The following BAZ1A variants were observed in gnomAD, a reference collection of about 807,000 sequenced individuals.
BAZ1A encodes the protein bromodomain adjacent to zinc finger domain 1A, also known as bromodomain adjacent to zinc finger domain protein 1A.
BAZ1A carries 50 observed loss-of-function variants against 185.2 expected under a neutral mutation model. That is an observed-to-expected ratio of 0.27 (90% CI 0.22 to 0.34). The LOEUF is 0.34. Among genes scored for constraint, BAZ1A ranks in the 10% least tolerant of loss-of-function variants. The pLI is 1.00. For missense variants in BAZ1A, 1,356 were observed against 1,839.9 expected (o/e 0.74, Z 4.81); for synonymous variants, 571 against 615.6 (o/e 0.93, Z 1.07).
rs769944421 is a variant in BAZ1A at position 34,875,225 on chromosome 14, T to A, written c.-146A>T. On this transcript the variant is annotated 5_prime_UTR_variant, in exon 1 of 27. Coordinates refer to ENST00000360310, the MANE Select transcript of BAZ1A (RefSeq NM_013448.3). ...CCGTCCTCCCAGGGGACCGCCTCTCTCCGGCCCCGCCGCGCCCCTGGCTGC... is the reference window on the plus strand; with the variant it reads ...CCGTCCTCCCAGGGGACCGCCTCTCACCGGCCCCGCCGCGCCCCTGGCTGC... 4 of 449,750 alleles carry A rather than the reference T, an allele frequency of 8.9e-6. No individual in the cohort carries two copies. The highest frequency in any genetic ancestry group is 6.2e-5 in the South Asian group (4 of 64,194). The allele number at this position is 449,750 out of a possible 1,614,324, so 27.9% of individuals were successfully genotyped here.
intron 2 of BAZ1A, among the ~76,000 whole-genome samples, chr14:34,863,528 G>A (rs1261283941): frequency 3.3e-5 from 5 of 151,436 alleles, no homozygotes; most frequent in Non-Finnish European, 5.9e-5. Context: ...GGCTGGTCTC[G>A]AACTCTTGAC....
chr14:34,801,747 A>G (rs1002322286), intron 7 of BAZ1A, among the ~76,000 whole-genome samples: 10 of 152,118 alleles, frequency 6.6e-5, no homozygotes, highest in Non-Finnish European at 1.5e-4. Flanking sequence ...CATCTCTATT[A>G]AAAATGCAAA....
chr14:34,858,556 C>T (rs780841983), intron 3 of BAZ1A, among the ~76,000 whole-genome samples: 26 of 152,214 alleles, frequency 1.7e-4, no homozygotes, highest in South Asian at 4.1e-4. Flanking sequence ...CTCAGGTGAT[C>T]CACCTGCCTT....
intron 6 of BAZ1A, among the ~76,000 whole-genome samples, chr14:34,804,131 C>T (rs527285277): frequency 6.8e-4 from 103 of 152,224 alleles, no homozygotes; most frequent in Non-Finnish European, 9.6e-4. Context: ...CCTCAGTCTC[C>T]GGAGTAGCTG....
chr14:34,808,361 A>G (rs1221234654), intron 5 of BAZ1A, among the ~76,000 whole-genome samples: 2 of 151,458 alleles, frequency 1.3e-5, no homozygotes, highest in African/African-American at 2.4e-5. Flanking sequence ...GCTGGGCGGT[A>G]GTGGCACATG....
chr14:34,760,734 C>G (rs972944455), intron 24 of BAZ1A, among the ~76,000 whole-genome samples: 1 of 151,828 alleles, frequency 6.6e-6, no homozygotes, highest in African/African-American at 2.4e-5. Flanking sequence ...TTCCTGTAGT[C>G]GCAGCTGCTT....
intron 2 of BAZ1A, among the ~76,000 whole-genome samples, chr14:34,866,075 C>G (rs1050941676): frequency 6.6e-6 from 1 of 152,138 alleles, no homozygotes; most frequent in Non-Finnish European, 1.5e-5. Context: ...ATAGTCCTTG[C>G]TACTCAGGAG....
At chr14:34,762,517 C>A (rs1032838790) in intron 23 of BAZ1A, among the ~76,000 whole-genome samples, 16 of 151,262 alleles carry the variant, frequency 1.1e-4, no homozygotes, top group African/African-American at 3.9e-4. Flanking sequence ...ATCACTGTCA[C>A]CCAGGCTGGA....
At chr14:34,776,606 G>A (rs1051763196) in intron 17 of BAZ1A, 91 bp from the exon 18 acceptor site, 2 of 1,057,864 alleles carry the variant, frequency 1.9e-6, no homozygotes, top group East Asian at 2.5e-5. Flanking sequence ...GTTATTAGGT[G>A]TTATGAACTA....
chr14:34,784,808 G>A (rs1880325739), intron 14 of BAZ1A, among the ~76,000 whole-genome samples: 3 of 151,368 alleles, frequency 2.0e-5, no homozygotes, highest in Non-Finnish European at 2.9e-5. Context: ...GTGAGCCACC[G>A]CGCCTGGCCA....
chr14:34,827,733 T>C (rs1208341603), intron 3 of BAZ1A, among the ~76,000 whole-genome samples: 1 of 89,028 alleles, frequency 1.1e-5, no homozygotes, highest in Non-Finnish European at 2.5e-5. Flanking sequence ...AGACTCTGTC[T>C]CAAAAAAAAA....
intron 12 of BAZ1A, chr14:34,786,444 AAAGAC>A: frequency 2.3e-6 from 1 of 439,756 alleles, no homozygotes; most frequent in Non-Finnish European, 4.0e-6. Context: ...AATTAACAGA[AAAGAC>A]AATTTCCAAA....
intron 3 of BAZ1A, among the ~76,000 whole-genome samples, chr14:34,855,339 C>A (rs1419853305): frequency 6.6e-6 from 1 of 152,156 alleles, no homozygotes; most frequent in Non-Finnish European, 1.5e-5. Context: ...TGCAACCAAT[C>A]TGGCTATTTC....
chr14:34,775,490 G>A (rs1026054524), intron 18 of BAZ1A, among the ~76,000 whole-genome samples: 7 of 152,110 alleles, frequency 4.6e-5, no homozygotes, highest in African/African-American at 1.7e-4. Flanking sequence ...GCTGCTATCC[G>A]ACCTGCCCTT....
intron 3 of BAZ1A, among the ~76,000 whole-genome samples, chr14:34,836,007 T>C (rs1238706880): frequency 6.6e-6 from 1 of 152,006 alleles, no homozygotes; most frequent in Non-Finnish European, 1.5e-5. Context: ...GGAATGTATA[T>C]ACCTTCCGCT....
chr14:34,866,502 A>AAAAAAAAAAAAAAAAAAAAGAAAG lies in BAZ1A; in HGVS notation c.114-4181_114-4180insCTTTCTTTTTTTTTTTTTTTTTTT. Reference sequence around the variant, plus strand: ...AACAATATCTCAAAAAAAAAAAAAAAGAAAAAAGTTCTAACTTTTTCCTAT... The same window carrying AAAAAAAAAAAAAAAAAAAAGAAAG: ...AACAATATCTCAAAAAAAAAAAAAAAAAAAAAAAAAAAAAAAAAAGAAAGGAAAAAAGTTCTAACTTTTTCCTAT... On this transcript the variant is annotated intron_variant, in intron 2 of 26. Transcript: ENST00000360310. Among the ~76,000 whole-genome samples, 433 of 79,406 alleles carry AAAAAAAAAAAAAAAAAAAAGAAAG rather than the reference A, an allele frequency of 5.5e-3. 30 individuals are homozygous for AAAAAAAAAAAAAAAAAAAAGAAAG. Among genetic ancestry groups the AAAAAAAAAAAAAAAAAAAAGAAAG allele is most frequent in the Non-Finnish European group, 8.3e-3 (294 of 35,220 alleles). The allele number at this position is 79,406 out of a possible 152,430, so 52.1% of individuals were successfully genotyped here.
chr14:34,789,483 T>C (rs1032977397), intron 12 of BAZ1A, among the ~76,000 whole-genome samples: 1 of 152,246 alleles, frequency 6.6e-6, no homozygotes, highest in African/African-American at 2.4e-5. Flanking sequence ...GAGAATATAG[T>C]TGAATTATAT....
At chr14:34,873,274 C>G (rs1021415183) in intron 2 of BAZ1A, among the ~76,000 whole-genome samples, 2 of 152,120 alleles carry the variant, frequency 1.3e-5, no homozygotes, top group African/African-American at 4.8e-5. Context: ...TACTTGGTTG[C>G]TATTACACTT....
chr14:34,861,788 T>C (rs1015038188), intron 3 of BAZ1A, among the ~76,000 whole-genome samples: 7 of 152,290 alleles, frequency 4.6e-5, no homozygotes, highest in African/African-American at 1.7e-4. Context: ...AAGGAATTTG[T>C]GCACGTTTGT....
Sources: allele counts gnomAD v4.1 joint callset (sites outside exome capture counted in the v4.1 genomes callset), GRCh38; gene constraint gnomAD v4.1.1; transcripts MANE v1.5; gene names NCBI Gene and HGNC (gene_info 2026-07-23, HGNC 2026-07-21).